HECW2: variants seen among roughly 807,000 people sequenced by gnomAD.
HECW2 encodes the protein E3 ubiquitin-protein ligase HECW2.
Under a neutral mutation model 175.2 loss-of-function variants are expected in HECW2, and 61 were observed. That is an observed-to-expected ratio of 0.35 (90% CI 0.28 to 0.43). The LOEUF is 0.43. Ranked by LOEUF, HECW2 falls within the 20% of genes least tolerant of loss-of-function variation. The pLI is 1.00. For missense variants in HECW2, 1,524 were observed against 2,000.5 expected, an observed-to-expected ratio of 0.76 and a Z score of 4.54; for synonymous variants, 671 against 731.0, an observed-to-expected ratio of 0.92 and a Z score of 1.32.
chr2:196,423,995 G>C (rs1296235196), intron 2 of HECW2, among the ~76,000 whole-genome samples: 2 of 151,862 alleles, frequency 1.3e-5, no homozygotes, highest in African/African-American at 4.8e-5. Context: ...AATAGAAGGT[G>C]TGTGGAAACC....
At chr2:196,453,999 T>C (rs1357783565) in intron 1 of HECW2, among the ~76,000 whole-genome samples, 2 of 152,104 alleles carry the variant, frequency 1.3e-5, no homozygotes, top group Admixed American at 6.5e-5. Flanking sequence ...AATACTTCTA[T>C]GGGTTTTGTT....
At chr2:196,204,489 C>G (rs1479958255) in intron 28 of HECW2, among the ~76,000 whole-genome samples, 1 of 152,144 alleles carries the variant, frequency 6.6e-6, no homozygotes. Context: ...TCTATAGCTG[C>G]AAGGAATGAA....
Position 196,319,153 on chromosome 2 carries a change from G to T in HECW2, c.1737C>A (p.Gly579=). ...ATGCATCGGAAGTCCCTGTGTCTGC[G>T]CCACTTGTGGGCTGATCTACCTCTT... ...GSQEVDQPTS[G]ADTGTSDASG... is the part of the protein sequence containing the mutation. Residue 579 remains glycine, a synonymous_variant, in exon 9 of 29, where the codon GGC becomes GGA. Coordinates refer to ENST00000644978, the MANE Select transcript of HECW2 (RefSeq NM_001348768.2). 6.3e-7 allele frequency: 1 copy of T among 1,593,936 alleles called. No homozygotes were observed. The highest frequency in any genetic ancestry group is 8.6e-7 in the Non-Finnish European group (1 of 1,169,256).
intron 1 of HECW2, among the ~76,000 whole-genome samples, chr2:196,587,051 T>G (rs1691008920): frequency 6.6e-6 from 1 of 152,230 alleles, no homozygotes; most frequent in South Asian, 2.1e-4. Context: ...CAGCTGATTT[T>G]CCAAGTGTCT....
At position 196,197,672 on chromosome 2, in the gene HECW2, T is replaced by C. The variant is rs1686734754; in HGVS notation, c.*3605A>G. The C allele has an allele frequency of 6.6e-6, 1 of 152,158 alleles. No homozygotes were observed. Among genetic ancestry groups the C allele is most frequent in the African/African-American group, 2.4e-5 (1 of 41,438 alleles). 9.4% of individuals were successfully genotyped at this position (152,158 alleles called of 1,614,324 possible). ...TGGAAACCTCACTGAATGTGGAATA[T>C]ACTGGTACAAACATTAGTCTCCACA... On this transcript the variant is annotated 3_prime_UTR_variant, in exon 29 of 29. Transcript: ENST00000644978.
intron 1 of HECW2, among the ~76,000 whole-genome samples, chr2:196,489,772 G>C (rs765788872): frequency 6.6e-6 from 1 of 152,168 alleles, no homozygotes; most frequent in Non-Finnish European, 1.5e-5. Context: ...GGAATGCACT[G>C]TCCCCTACTT....
At chr2:196,431,457 G>T (rs927999082) in intron 2 of HECW2, among the ~76,000 whole-genome samples, 1 of 152,082 alleles carries the variant, frequency 6.6e-6, no homozygotes, top group African/African-American at 2.4e-5. Flanking sequence ...AAGTAAAACT[G>T]ATTATTTCCC....
At chr2:196,315,227 C>T (rs1460081690) in intron 10 of HECW2, among the ~76,000 whole-genome samples, 2 of 150,964 alleles carry the variant, frequency 1.3e-5, no homozygotes, top group African/African-American at 4.9e-5. Context: ...ATCTTCACTT[C>T]TGAGTTTTTA....
In HECW2 at chr2:196,235,648, CTTTTTTTT is replaced by C. The variant is rs757874073; in HGVS notation, c.3764+4793_3764+4800del. 5.1e-4 allele frequency among the ~76,000 whole-genome samples: 40 copies of C among 78,896 alleles called. 1 individual carries two copies. Among genetic ancestry groups the C allele is most frequent in the Admixed American group, 2.0e-3 (11 of 5,592 alleles). The allele number at this position is 78,896 out of a possible 152,430, so 51.8% of individuals were successfully genotyped here. A position where few individuals can be genotyped will look rare whatever the true frequency, so the allele number is the denominator to read the frequency against. ...TTGGAGCACAGGTAGATGCATTATT[CTTTTTTTT>C]TTTTTTTTTTTTTTTTTGAGATGGA... On this transcript the variant is annotated intron_variant, in intron 21 of 28. Transcript: ENST00000644978.
intron 5 of HECW2, among the ~76,000 whole-genome samples, chr2:196,329,242 T>G: frequency 6.6e-6 from 1 of 152,294 alleles, no homozygotes; most frequent in South Asian, 2.1e-4. Context: ...AATTTTTTCT[T>G]TCTCTAGCTG....
chr2:196,546,602 C>G (rs534187536), intron 1 of HECW2, among the ~76,000 whole-genome samples: 4 of 152,156 alleles, frequency 2.6e-5, no homozygotes, highest in Middle Eastern at 3.2e-3. Context: ...CTGGCTACAA[C>G]TATCTGGATC....
At chr2:196,287,449 C>G (rs1288692712) in intron 14 of HECW2, among the ~76,000 whole-genome samples, 4 of 152,026 alleles carry the variant, frequency 2.6e-5, no homozygotes, top group Admixed American at 6.6e-5. Flanking sequence ...AGAGAATAAT[C>G]TGGGGGAAAA....
At chr2:196,341,280 A>C (rs531177501) in intron 3 of HECW2, among the ~76,000 whole-genome samples, 1 of 151,872 alleles carries the variant, frequency 6.6e-6, no homozygotes, top group African/African-American at 2.4e-5. Flanking sequence ...TTTTGGAGTG[A>C]TTTTGCCAAA....
intron 1 of HECW2, among the ~76,000 whole-genome samples, chr2:196,495,940 G>A (rs1198527604): frequency 6.6e-6 from 1 of 152,132 alleles, no homozygotes; most frequent in East Asian, 1.9e-4. Context: ...AAGCAAAGAA[G>A]ACTTTGGACT....
intron 28 of HECW2, among the ~76,000 whole-genome samples, chr2:196,205,597 CT>C (rs1264432179): frequency 2.0e-5 from 3 of 152,184 alleles, no homozygotes; most frequent in Non-Finnish European, 4.4e-5. Context: ...ATCATACCAT[CT>C]AGCTCAATCT....
rs532558837 is a variant in HECW2 at position 196,554,444 on chromosome 2, A to G, written c.-36+39064T>C. On this transcript the variant is annotated intron_variant, in intron 1 of 28. Coordinates refer to ENST00000644978, the MANE Select transcript of HECW2 (RefSeq NM_001348768.2). ...TGGAATCTTGACAAATGGCTCAATG[A>G]CCTATGAAAAAACTGAAGAAACATC... 1.3e-5 allele frequency among the ~76,000 whole-genome samples: 2 copies of G among 152,322 alleles called. 1 individual carries two copies. The highest frequency in any genetic ancestry group is 4.1e-4 in the South Asian group (2 of 4,830).
intron 17 of HECW2, among the ~76,000 whole-genome samples, chr2:196,264,919 A>G (rs1172318765): frequency 6.6e-6 from 1 of 152,210 alleles, no homozygotes; most frequent in Non-Finnish European, 1.5e-5. Flanking sequence ...TAATCTCTTA[A>G]TAGGCCTACA....
chr2:196,363,986 C>A (rs1367309283), intron 2 of HECW2, among the ~76,000 whole-genome samples: 1 of 152,142 alleles, frequency 6.6e-6, no homozygotes, highest in Non-Finnish European at 1.5e-5. Flanking sequence ...AATAGAGTAT[C>A]ATCTTGAGCT....
rs1328890209 is a variant in HECW2 at position 196,199,098 on chromosome 2, T to C, written c.*2179A>G. 1.3e-5 allele frequency: 2 copies of C among 152,666 alleles called. No homozygotes were observed. The highest frequency in any genetic ancestry group is 3.9e-4 in the East Asian group (2 of 5,182). 9.5% of individuals were successfully genotyped at this position (152,666 alleles called of 1,614,324 possible). A position where few individuals can be genotyped will look rare whatever the true frequency, so the allele number is the denominator to read the frequency against. On this transcript the variant is annotated 3_prime_UTR_variant, in exon 29 of 29. Coordinates refer to ENST00000644978, the MANE Select transcript of HECW2 (RefSeq NM_001348768.2). ...ACCAAAATGAAGGATAACATGGTCTTTGAATGTATTTTTGAAAGAAATGCA... is the reference window on the plus strand; with the variant it reads ...ACCAAAATGAAGGATAACATGGTCTCTGAATGTATTTTTGAAAGAAATGCA...
Sources: gnomAD v4.1 joint callset for allele counts (sites outside exome capture counted in the v4.1 genomes callset) on GRCh38, gnomAD v4.1.1 for gene constraint, MANE v1.5 for transcripts, NCBI Gene and HGNC (gene_info 2026-07-23, HGNC 2026-07-21) for gene names.